Variants in NTN1 observed in about 807,000 individuals in gnomAD.
NTN1 encodes the protein netrin-1.
Under a neutral mutation model 54.2 loss-of-function variants are expected in NTN1, and 11 were observed. The observed-to-expected ratio is 0.20, with a 90% confidence interval of 0.13 to 0.34. NTN1 has a LOEUF of 0.34. Among genes scored for constraint, NTN1 ranks in the 10% least tolerant of loss-of-function variants. The pLI, the probability that NTN1 is intolerant of heterozygous loss-of-function variation, is 1.00. For synonymous variants in NTN1, 371 were observed against 382.0 expected (o/e 0.97, Z 0.33); for missense variants, 740 against 893.1 (o/e 0.83, Z 2.18).
At position 9,165,820 on chromosome 17, in the gene NTN1, T is replaced by C. The variant is rs1375933499; in HGVS notation, c.1207+2819T>C. On this transcript the variant is annotated intron_variant, in intron 3 of 6. Transcript: ENST00000173229. The surrounding 1 kb of genome is among the most constrained non-coding windows in gnomAD (Gnocchi z 4.5). Reference sequence around the variant, plus strand: ...GGTGAGGAAAGACAGGGCTTTGAGGTTTCTGCTTTCTGATTGGTGAGAAAA... The same window carrying C: ...GGTGAGGAAAGACAGGGCTTTGAGGCTTCTGCTTTCTGATTGGTGAGAAAA... Among the ~76,000 whole-genome samples the C allele has an allele frequency of 6.6e-6, 1 of 152,112 alleles. No homozygotes were observed. Among genetic ancestry groups the C allele is most frequent in the African/African-American group, 2.4e-5 (1 of 41,410 alleles).
At chr17:9,058,746 T>C (rs1196693644) in intron 2 of NTN1, among the ~76,000 whole-genome samples, 1 of 151,700 alleles carries the variant, frequency 6.6e-6, no homozygotes, top group Non-Finnish European at 1.5e-5. Flanking sequence ...TTTTCCATCA[T>C]GAATTCTTTT....
intron 6 of NTN1, among the ~76,000 whole-genome samples, chr17:9,225,651 C>T (rs556204090): frequency 1.3e-5 from 2 of 151,916 alleles, no homozygotes; most frequent in African/African-American, 4.9e-5. Context: ...AGAAGGTGAC[C>T]AGTAGGGGGA....
At chr17:9,086,492 T>C (rs564648967) in intron 2 of NTN1, among the ~76,000 whole-genome samples, 1 of 152,090 alleles carries the variant, frequency 6.6e-6, no homozygotes, top group Non-Finnish European at 1.5e-5. Flanking sequence ...TAGAGGGGAA[T>C]GTACACCAGC....
chr17:9,153,245 G>T (rs946380939), intron 2 of NTN1, among the ~76,000 whole-genome samples: 3 of 152,072 alleles, frequency 2.0e-5, no homozygotes, highest in Non-Finnish European at 1.5e-5. Flanking sequence ...TCAGGAGTTT[G>T]AGATCATTCT....
intron 2 of NTN1, among the ~76,000 whole-genome samples, chr17:9,160,623 C>T (rs1212867880): frequency 6.6e-6 from 1 of 152,156 alleles, no homozygotes; most frequent in Non-Finnish European, 1.5e-5. Flanking sequence ...GTTCCTTTCT[C>T]TTCCTGCTTT....
At chr17:9,218,586 C>T (rs547564642) in intron 5 of NTN1, among the ~76,000 whole-genome samples, 126 of 152,246 alleles carry the variant, frequency 8.3e-4, no homozygotes, top group African/African-American at 2.6e-3. Context: ...GGGACAGTGA[C>T]GCTGAAGGGA....
chr17:9,237,898 A>G (rs546634647), intron 6 of NTN1, among the ~76,000 whole-genome samples: 2 of 152,306 alleles, frequency 1.3e-5, no homozygotes, highest in East Asian at 3.9e-4. Flanking sequence ...TGACAAAAAC[A>G]TGGAAACGGT....
chr17:9,120,093 A>G (rs953094868), intron 2 of NTN1, among the ~76,000 whole-genome samples: 1 of 152,078 alleles, frequency 6.6e-6, no homozygotes, highest in Admixed American at 6.6e-5. Flanking sequence ...ATCCTAGCTA[A>G]CATGGTGAAA....
At chr17:9,157,062 C>T (rs1001554447) in intron 2 of NTN1, among the ~76,000 whole-genome samples, 1 of 150,978 alleles carries the variant, frequency 6.6e-6, no homozygotes, top group African/African-American at 2.4e-5. Flanking sequence ...TCCATTCATT[C>T]ATCCATCCAT....
chr17:9,210,942 C>T (rs1249934868), intron 5 of NTN1, among the ~76,000 whole-genome samples: 1 of 131,432 alleles, frequency 7.6e-6, no homozygotes, highest in Non-Finnish European at 1.6e-5. Flanking sequence ...AAAAAAGCCT[C>T]ACCTTAGACT....
chr17:9,017,435 T>C (rs1318538619), upstream of NTN1, among the ~76,000 whole-genome samples: 3 of 152,200 alleles, frequency 2.0e-5, no homozygotes, highest in Non-Finnish European at 4.4e-5. Context: ...CTTTAAGGCA[T>C]GTGACTCAAC....
At chr17:9,129,404 C>T (rs1567717532) in intron 2 of NTN1, among the ~76,000 whole-genome samples, 1 of 152,146 alleles carries the variant, frequency 6.6e-6, no homozygotes, top group Non-Finnish European at 1.5e-5. Flanking sequence ...CTTCGTCTGG[C>T]TTCTGGTCTG....
intron 2 of NTN1, among the ~76,000 whole-genome samples, chr17:9,094,962 C>A (rs1416274772): frequency 5.8e-5 from 8 of 139,096 alleles, no homozygotes; most frequent in African/African-American, 1.7e-4. Flanking sequence ...GCACTTCAGC[C>A]TGCGCAACAG....
chr17:9,091,849 A>T (rs1597484468), intron 2 of NTN1, among the ~76,000 whole-genome samples: 1 of 151,558 alleles, frequency 6.6e-6, no homozygotes, highest in Admixed American at 6.6e-5. Context: ...CTAAATTGAA[A>T]CTCTATACCC....
chr17:9,150,487 C>T (rs1341768121), intron 2 of NTN1, among the ~76,000 whole-genome samples: 1 of 152,212 alleles, frequency 6.6e-6, no homozygotes, highest in Non-Finnish European at 1.5e-5. Flanking sequence ...AGAGCACTCA[C>T]CCTCTGCCTG....
intron 5 of NTN1, among the ~76,000 whole-genome samples, chr17:9,198,013 G>C (rs545528588): frequency 5.3e-4 from 80 of 152,184 alleles, no homozygotes; most frequent in Non-Finnish European, 6.2e-4. Flanking sequence ...GTTGATGGCT[G>C]TGGGTGGGAT....
At chr17:9,007,500 ATCTT>A in the NTN1 span, among the ~76,000 whole-genome samples, 4 of 83,218 alleles carry the variant, frequency 4.8e-5, no homozygotes, top group Admixed American at 1.3e-4. Context: ...CTTTCTCTTT[ATCTT>A]TCTTTCTTTT....
At chr17:9,062,431 G>A (rs745449194) in intron 2 of NTN1, among the ~76,000 whole-genome samples, 4 of 152,146 alleles carry the variant, frequency 2.6e-5, no homozygotes, top group Non-Finnish European at 5.9e-5. Flanking sequence ...GAGCCAGAAT[G>A]TTACTCGAGC....
chr17:9,128,074 G>A lies in NTN1; in HGVS notation c.1019-34739G>A, dbSNP rs181876007. Among the ~76,000 whole-genome samples, 88 of 151,956 alleles carry A rather than the reference G, an allele frequency of 5.8e-4. 1 individual carries two copies. The East Asian group carries it at 0.013, about 23-fold the overall frequency. ...AGAAGTTGCAGTGAGCCGAGATTGC[G>A]CCACTGCACTCCAGCCTGGGTGACA... On this transcript the variant is annotated intron_variant, in intron 2 of 6. Coordinates refer to ENST00000173229, the MANE Select transcript of NTN1 (RefSeq NM_004822.3).
Sources: gnomAD v4.1 joint callset for allele counts (sites outside exome capture counted in the v4.1 genomes callset) on GRCh38, gnomAD v4.1.1 for gene constraint, Gnocchi (gnomAD v3.1) non-coding constraint, MANE v1.5 for transcripts, NCBI Gene and HGNC (gene_info 2026-07-23, HGNC 2026-07-21) for gene names.